CDH13: variants seen among roughly 807,000 people sequenced by gnomAD.
CDH13 encodes cadherin-13.
In CDH13, 24 loss-of-function variants were observed where a neutral mutation model predicts 63.8. The observed-to-expected ratio is 0.38, with a 90% CI of 0.27 to 0.53. The LOEUF is 0.53. CDH13 is among the 20% of genes least tolerant of loss of function. The pLI, the probability that CDH13 is intolerant of heterozygous loss-of-function variation, is 0.85. For synonymous variants in CDH13, 503 were observed against 355.3 expected (o/e 1.42, Z -4.67); for missense variants, 1,049 against 903.1 (o/e 1.16, Z -2.07).
At chr16:83,253,931 T>G (rs758669430) in intron 5 of CDH13, among the ~76,000 whole-genome samples, 4 of 152,100 alleles carry the variant, frequency 2.6e-5, no homozygotes, top group Non-Finnish European at 5.9e-5. Context: ...GTAATGGGAT[T>G]TAATGTTCCC....
rs74033112 is a variant in CDH13 at position 83,083,936 on chromosome 16, A to G, written c.367-41449A>G. ...AAGATAGCTCCAGGTAAGTCTCACTATCTCGTTAATAACCCTTTACCAATT... is the reference window on the plus strand; with the variant it reads ...AAGATAGCTCCAGGTAAGTCTCACTGTCTCGTTAATAACCCTTTACCAATT... On this transcript the variant is annotated intron_variant, in intron 3 of 13. Transcript: ENST00000567109. 3.8e-3 allele frequency among the ~76,000 whole-genome samples: 577 copies of G among 152,336 alleles called. 7 individuals carry two copies. Among genetic ancestry groups the G allele is most frequent in the African/African-American group, 0.013 (547 of 41,584 alleles).
intron 3 of CDH13, among the ~76,000 whole-genome samples, chr16:83,124,596 T>G (rs1437272887): frequency 6.6e-6 from 1 of 151,820 alleles, no homozygotes. Flanking sequence ...GGCCAATATC[T>G]GGAAGAGTTT....
At chr16:82,928,730 T>C (rs1305108515) in intron 2 of CDH13, among the ~76,000 whole-genome samples, 3 of 152,232 alleles carry the variant, frequency 2.0e-5, no homozygotes, top group South Asian at 4.1e-4. Context: ...TGTTCTTAAA[T>C]ACTAAAGTAA....
intron 3 of CDH13, among the ~76,000 whole-genome samples, chr16:83,117,180 C>G (rs4074157): frequency 0.52 from 78,842 of 152,070 alleles, 21,015 homozygotes; most frequent in Non-Finnish European, 0.59. Context: ...AGGGCTCACT[C>G]CTCATGCGGA....
chr16:82,858,799 A>G (rs1351681917), intron 2 of CDH13: 1 of 386,490 alleles, frequency 2.6e-6, no homozygotes, highest in African/African-American at 2.0e-5. Flanking sequence ...CAGATCCCCA[A>G]AATCAAAATC....
At position 83,010,026 on chromosome 16, in the gene CDH13, T is replaced by G. The variant is rs1330066787; in HGVS notation, c.158-21984T>G. On this transcript the variant is annotated intron_variant, in intron 2 of 13. Coordinates refer to ENST00000567109, the MANE Select transcript of CDH13 (RefSeq NM_001257.5). The stretch of plus-strand genomic sequence containing the variant: ...GGCACACGCCTGTAATCCCAGCTAC[T>G]CAGGAGGCTGAGGCAGGAGAATCAC... Among the ~76,000 whole-genome samples, 4 of 150,126 alleles carry G rather than the reference T, an allele frequency of 2.7e-5. No homozygotes were observed. The East Asian group carries it at 7.9e-4, about 30-fold the overall frequency.
At chr16:83,690,984 A>T (rs917937266) in intron 10 of CDH13, among the ~76,000 whole-genome samples, 1 of 151,986 alleles carries the variant, frequency 6.6e-6, no homozygotes, top group Non-Finnish European at 1.5e-5. Context: ...GGCCTCCCAA[A>T]GTGCTGGGAT....
chr16:83,345,092 C>T, intron 6 of CDH13, 86 bp downstream of exon 6: 1 of 1,442,174 alleles, frequency 6.9e-7, no homozygotes, highest in Admixed American at 2.0e-5. Context: ...TGTCTTATGG[C>T]TGTTCCAACT....
intron 2 of CDH13, among the ~76,000 whole-genome samples, chr16:83,025,876 AG>A (rs1915756208): frequency 6.6e-6 from 1 of 152,156 alleles, no homozygotes; most frequent in South Asian, 2.1e-4. Context: ...TAGATTAATC[AG>A]GGGGAGCTTT....
At chr16:83,135,483 G>C (rs1009818229) in intron 4 of CDH13, among the ~76,000 whole-genome samples, 10 of 152,212 alleles carry the variant, frequency 6.6e-5, no homozygotes, top group African/African-American at 2.4e-4. Flanking sequence ...AGGTGCAGAA[G>C]CATCTTGCAA....
chr16:82,715,857 C>G (rs759776329), intron 1 of CDH13, among the ~76,000 whole-genome samples: 41 of 152,304 alleles, frequency 2.7e-4, no homozygotes, highest in Non-Finnish European at 4.7e-4. Context: ...TCAAAACATA[C>G]CTGACTAGAA....
intron 4 of CDH13, 129 bp downstream of exon 4, chr16:83,125,630 G>A (rs768077542): frequency 1.3e-5 from 7 of 550,046 alleles, no homozygotes; most frequent in Non-Finnish European, 2.3e-5. Flanking sequence ...AGACCAAATG[G>A]TTTAGTCATG....
chr16:83,486,525 C>A lies in CDH13; in HGVS notation c.830C>A (p.Thr277Asn). The change falls in exon 7 of 14, where the codon ACC (threonine) becomes AAC (asparagine). Residue 277 changes from threonine (T) to asparagine (N), a missense_variant. Thr to Asn is a moderately conservative substitution (Grantham distance 65). Transcript: ENST00000567109. ...MTAFDADDPA[T>N]DNALLRYNIR... Reference sequence around the variant, plus strand: ...GCCTTTGATGCAGATGACCCAGCCACCGATAATGCCCTCCTGCGGTATAAT... The same window carrying A: ...GCCTTTGATGCAGATGACCCAGCCAACGATAATGCCCTCCTGCGGTATAAT... The A allele has an allele frequency of 6.2e-7, 1 of 1,613,868 alleles. No homozygotes were observed. Among genetic ancestry groups the A allele is most frequent in the Non-Finnish European group, 8.5e-7 (1 of 1,179,836 alleles).
At chr16:82,879,840 A>G (rs922506336) in intron 2 of CDH13, among the ~76,000 whole-genome samples, 3 of 133,764 alleles carry the variant, frequency 2.2e-5, no homozygotes, top group East Asian at 2.4e-4. Context: ...AATTATGCAA[A>G]TTATATTTGT....
chr16:83,218,978 G>C (rs1159760938), intron 5 of CDH13, among the ~76,000 whole-genome samples: 1 of 152,132 alleles, frequency 6.6e-6, no homozygotes, highest in African/African-American at 2.4e-5. Flanking sequence ...TGCCATGATT[G>C]TGAGGCCTCC....
intron 6 of CDH13, among the ~76,000 whole-genome samples, chr16:83,417,487 G>T (rs962400126): frequency 6.6e-6 from 1 of 151,854 alleles, no homozygotes; most frequent in Non-Finnish European, 1.5e-5. Flanking sequence ...CCGTGCTCTT[G>T]CCTTCTTGCC....
intron 6 of CDH13, among the ~76,000 whole-genome samples, chr16:83,475,886 A>G (rs573905419): frequency 1.4e-4 from 21 of 152,228 alleles, no homozygotes; most frequent in African/African-American, 4.8e-4. Flanking sequence ...TGCCTGGCCT[A>G]TGGTCTGTGT....
chr16:83,675,467 G>C (rs1040105514), intron 9 of CDH13, among the ~76,000 whole-genome samples: 2 of 152,202 alleles, frequency 1.3e-5, no homozygotes, highest in Non-Finnish European at 2.9e-5. Flanking sequence ...GTTCCGTTCA[G>C]GGAGTGTCAG....
intron 2 of CDH13, among the ~76,000 whole-genome samples, chr16:82,891,072 G>C (rs1292805533): frequency 1.4e-5 from 2 of 147,698 alleles, no homozygotes; most frequent in East Asian, 3.9e-4. Context: ...GTTGTTGGTC[G>C]TGATGGTGTT....
Sources: allele counts gnomAD v4.1 joint callset (sites outside exome capture counted in the v4.1 genomes callset), GRCh38; gene constraint gnomAD v4.1.1; transcripts MANE v1.5; gene names NCBI Gene and HGNC (gene_info 2026-07-23, HGNC 2026-07-21).